COQ8A: variants seen among roughly 807,000 people sequenced by gnomAD.
The protein encoded by COQ8A is atypical kinase COQ8A, mitochondrial.
Under a neutral mutation model 65.0 loss-of-function variants are expected in COQ8A, and 51 were observed. The observed-to-expected ratio is 0.78, with a 90% confidence interval of 0.63 to 0.99. The LOEUF is 0.99. COQ8A is among the 50% of genes least tolerant of loss of function. The pLI, the probability that COQ8A is intolerant of heterozygous loss-of-function variation, is 0.00. For missense variants in COQ8A, 940 were observed against 875.0 expected (o/e 1.07, Z -0.94); for synonymous variants, 371 against 353.2 (o/e 1.05, Z -0.57).
In COQ8A at chr1:226,986,592, T is replaced by TC; in HGVS notation, c.1805dup (p.Pro603ThrfsTer127). On this transcript the variant is annotated frameshift_variant, in exon 15 of 15. Coordinates refer to ENST00000366777, the MANE Select transcript of COQ8A (RefSeq NM_020247.5). LOFTEE classifies it high-confidence loss of function. ...CCCGTCATGCTGAGGCACCGTCTCGTCCCCCCACCCGAGGAAACCTACTCC... is the reference window on the plus strand; with the variant it reads ...CCCGTCATGCTGAGGCACCGTCTCGTCCCCCCCACCCGAGGAAACCTACTCC... 1 of 1,612,122 alleles carries TC rather than the reference T, an allele frequency of 6.2e-7. No homozygotes were observed. The highest frequency in any genetic ancestry group is 8.5e-7 in the Non-Finnish European group (1 of 1,179,618).
At chr1:226,951,652 T>C (rs1296780073) in intron 1 of COQ8A, among the ~76,000 whole-genome samples, 1 of 152,134 alleles carries the variant, frequency 6.6e-6, no homozygotes, top group Non-Finnish European at 1.5e-5. Flanking sequence ...ACCTTCCAAA[T>C]TTCCTGGGAC....
intron 1 of COQ8A, among the ~76,000 whole-genome samples, chr1:226,945,708 G>A (rs971898641): frequency 1.3e-5 from 2 of 152,230 alleles, no homozygotes; most frequent in Non-Finnish European, 2.9e-5. Flanking sequence ...CACGGTTCAT[G>A]GGCCAGGGCT....
intron 1 of COQ8A, among the ~76,000 whole-genome samples, chr1:226,944,006 T>C (rs1656849551): frequency 6.6e-6 from 1 of 151,814 alleles, no homozygotes; most frequent in African/African-American, 2.4e-5. Flanking sequence ...CAGGAGCCAG[T>C]GCAGATGGCA....
intron 5 of COQ8A, among the ~76,000 whole-genome samples, chr1:226,981,362 C>T (rs1293925185): frequency 6.6e-6 from 1 of 152,220 alleles, no homozygotes; most frequent in Non-Finnish European, 1.5e-5. Context: ...TCAGCCCTCC[C>T]CTTGGTGGAC....
At chr1:226,984,527 G>A in intron 11 of COQ8A, 21 bp from the exon 12 acceptor site, 2 of 1,595,716 alleles carry the variant, frequency 1.3e-6, no homozygotes, top group Non-Finnish European at 8.6e-7. Flanking sequence ...GCCTGACACA[G>A]ACCCTTCGCG....
In COQ8A at chr1:226,982,736, G is replaced by A. The variant is rs771956000; in HGVS notation, c.912G>A (p.Ala304=). 29 of 1,613,570 alleles carry A rather than the reference G, an allele frequency of 1.8e-5. No homozygotes were observed. The Admixed American group carries it at 2.3e-4, about 13-fold the overall frequency. Residue 304 remains alanine, a synonymous_variant, in exon 7 of 15, where the codon GCG becomes GCA. Transcript: ENST00000366777. ...AKIFERVRQS[A]DFMPLKQMMK... is the part of the protein sequence containing the mutation. ...TCTTCGAGCGGGTGCGGCAGAGCGC[G>A]GACTTCATGCCACTGAAGCAGATGA...
intron 4 of COQ8A, among the ~76,000 whole-genome samples, chr1:226,973,225 T>A (rs1659001750): frequency 6.6e-6 from 1 of 152,232 alleles, no homozygotes; most frequent in Non-Finnish European, 1.5e-5. Context: ...GATAGATGTG[T>A]TCTAGATCCA....
At position 226,982,996 on chromosome 1, in the gene COQ8A, C is replaced by G; in HGVS notation, c.1042C>G (p.Arg348Gly). The change falls in exon 8 of 15, where the codon CGA becomes GGA. Residue 348 changes from arginine to glycine, a missense_variant. Transcript: ENST00000366777. ...AASIGQVHLA[R>G]MKGGREVAMK... ...ATCCATTGGGCAGGTGCACTTGGCCCGAATGAAGGGCGGCCGCGAGGTGGC... is the reference window on the plus strand; with the variant it reads ...ATCCATTGGGCAGGTGCACTTGGCCGGAATGAAGGGCGGCCGCGAGGTGGC... 1 of 1,598,986 alleles carries G rather than the reference C, an allele frequency of 6.3e-7. No individual in the cohort carries two copies. Among genetic ancestry groups the G allele is most frequent in the Non-Finnish European group, 8.5e-7 (1 of 1,173,550 alleles).
chr1:226,951,271 T>C (rs1419790949), intron 1 of COQ8A, among the ~76,000 whole-genome samples: 2 of 152,162 alleles, frequency 1.3e-5, no homozygotes, highest in Non-Finnish European at 2.9e-5. Context: ...TGGTGGATGA[T>C]TTTATATCAG....
In COQ8A at chr1:226,975,229, C is replaced by T. The variant is rs182089513; in HGVS notation, c.656-2220C>T. On this transcript the variant is annotated intron_variant, in intron 4 of 14. Transcript: ENST00000366777. ...GTGTCTCCCAGCTCTGAGCCCAGGG[C>T]TTTCTACAGCGAGAGAAAGAGCTGA... 220 of 152,386 alleles carry T rather than the reference C, an allele frequency of 1.4e-3. 1 individual carries two copies. Among genetic ancestry groups the T allele is most frequent in the African/African-American group, 5.0e-3 (209 of 41,584 alleles). The allele number at this position is 152,386 out of a possible 1,614,324, so 9.4% of individuals were successfully genotyped here.
At chr1:226,963,576 T>G (rs1558189821) in intron 2 of COQ8A, among the ~76,000 whole-genome samples, 1 of 152,230 alleles carries the variant, frequency 6.6e-6, no homozygotes, top group African/African-American at 2.4e-5. Context: ...CTGGGGGCTC[T>G]GTGAATTTAA....
chr1:226,970,559 C>A (rs972889470), intron 4 of COQ8A, among the ~76,000 whole-genome samples: 1 of 152,180 alleles, frequency 6.6e-6, no homozygotes, highest in African/African-American at 2.4e-5. Flanking sequence ...TTACATGATG[C>A]GTGACCGTGC....
chr1:226,952,423 A>AT (rs1397440189), intron 1 of COQ8A, among the ~76,000 whole-genome samples: 9 of 151,810 alleles, frequency 5.9e-5, no homozygotes, highest in Admixed American at 3.3e-4. Context: ...CTTTTATTTT[A>AT]TTTTTTTTGA....
intron 2 of COQ8A, 151 bp from the exon 3 acceptor site, chr1:226,964,849 G>T (rs1185336509): frequency 1.2e-6 from 1 of 853,056 alleles, no homozygotes; most frequent in East Asian, 2.6e-5. Flanking sequence ...GGCTGGGAAG[G>T]GTGCCGGGCC....
At chr1:226,968,473 A>G (rs191937287) in intron 4 of COQ8A, among the ~76,000 whole-genome samples, 20 of 152,336 alleles carry the variant, frequency 1.3e-4, no homozygotes, top group Non-Finnish European at 2.1e-4. Context: ...CTTCACTACA[A>G]TGTGAAATAT....
intron 5 of COQ8A, among the ~76,000 whole-genome samples, chr1:226,979,287 G>T (rs928635308): frequency 2.6e-5 from 4 of 152,214 alleles, no homozygotes; most frequent in Non-Finnish European, 5.9e-5. Context: ...TCGTGCTGCT[G>T]TGATGAGGAG....
intron 8 of COQ8A, 94 bp downstream of exon 8, chr1:226,983,128 G>A (rs1474035462): frequency 3.4e-6 from 5 of 1,481,834 alleles, no homozygotes; most frequent in Admixed American, 4.4e-5. Context: ...CCCACGTCCC[G>A]CAGGGCACCC....
rs1659782083 is a variant in COQ8A at position 226,982,768 on chromosome 1, G to A, written c.939+5G>A. On this transcript the variant is annotated splice_donor_5th_base_variant and intron_variant, in intron 7 of 14. Coordinates refer to ENST00000366777, the MANE Select transcript of COQ8A (RefSeq NM_020247.5). Reference sequence around the variant, plus strand: ...ATGCCACTGAAGCAGATGATGGTGAGGAGCCAGGGGCTCTGCCCACTCTCT... The same window carrying A: ...ATGCCACTGAAGCAGATGATGGTGAAGAGCCAGGGGCTCTGCCCACTCTCT... 6.2e-7 allele frequency: 1 copy of A among 1,613,514 alleles called. No individual in the cohort carries two copies. Among genetic ancestry groups the A allele is most frequent in the Non-Finnish European group, 8.5e-7 (1 of 1,179,974 alleles).
rs1040804578 is a variant in COQ8A at position 226,967,004 on chromosome 1, A to T, written c.655+1267A>T. ...TTAATATTTGGCATCCACTGTACTT[A>T]GCCATTCAGGAATTTAGTATGAAGT... On this transcript the variant is annotated intron_variant, in intron 4 of 14. Transcript: ENST00000366777. Among the ~76,000 whole-genome samples the T allele has an allele frequency of 5.3e-5, 8 of 152,342 alleles. 1 individual carries two copies. The highest frequency in any genetic ancestry group is 3.4e-3 in the Middle Eastern group (1 of 294).
Sources: gnomAD v4.1 joint callset for allele counts (sites outside exome capture counted in the v4.1 genomes callset) on GRCh38, gnomAD v4.1.1 for gene constraint, MANE v1.5 for transcripts, NCBI Gene and HGNC (gene_info 2026-07-23, HGNC 2026-07-21) for gene names.